The following CSMD1 variants were observed in gnomAD, a reference collection of about 807,000 sequenced individuals.
CSMD1 encodes the protein CUB and Sushi multiple domains 1.
Under a neutral mutation model 417.5 loss-of-function variants are expected in CSMD1, and 213 were observed. That is an observed-to-expected ratio of 0.51 (90% CI 0.46 to 0.57). The LOEUF (loss-of-function observed/expected upper bound fraction) is 0.57. Among genes scored for constraint, CSMD1 ranks in the 20% least tolerant of loss-of-function variants. The pLI is 0.00. For synonymous variants in CSMD1, 2,862 were observed against 1,736.8 expected, an observed-to-expected ratio of 1.65 and a Z score of -16.11; for missense variants, 6,923 against 4,529.7, an observed-to-expected ratio of 1.53 and a Z score of -15.17.
At chr8:4,269,343 G>A (rs745439252) in intron 3 of CSMD1, among the ~76,000 whole-genome samples, 4 of 152,168 alleles carry the variant, frequency 2.6e-5, no homozygotes, top group Non-Finnish European at 4.4e-5. Flanking sequence ...TGGGATTACA[G>A]GTGTGAGCCA....
chr8:4,529,616 A>G (rs184997081), intron 2 of CSMD1, among the ~76,000 whole-genome samples: 40 of 152,196 alleles, frequency 2.6e-4, no homozygotes, highest in Admixed American at 6.5e-4. Flanking sequence ...TTTAACAAAG[A>G]CAAAAGACAA....
intron 8 of CSMD1, among the ~76,000 whole-genome samples, chr8:3,591,762 TAGACAA>T (rs928198584): frequency 1.2e-4 from 18 of 149,428 alleles, no homozygotes; most frequent in African/African-American, 4.4e-4. Context: ...AGACAGATGA[TAGACAA>T]AGAGATGGAT....
chr8:3,875,048 G>T (rs761641690), intron 5 of CSMD1, among the ~76,000 whole-genome samples: 1 of 152,102 alleles, frequency 6.6e-6, no homozygotes, highest in African/African-American at 2.4e-5. Flanking sequence ...GAGCTGGGGC[G>T]GCTGAAAGAG....
chr8:3,752,048 C>G (rs1193844010), intron 6 of CSMD1, among the ~76,000 whole-genome samples: 2 of 152,168 alleles, frequency 1.3e-5, no homozygotes, highest in East Asian at 1.9e-4. Context: ...TACCAGACCA[C>G]ATGGAGTCTT....
chr8:4,216,485 C>T (rs1192992546), intron 3 of CSMD1, among the ~76,000 whole-genome samples: 3 of 152,148 alleles, frequency 2.0e-5, no homozygotes, highest in Non-Finnish European at 4.4e-5. Context: ...AAATTTTACT[C>T]ATTAATAGAA....
At chr8:3,461,871 G>A (rs901148865) in intron 12 of CSMD1, among the ~76,000 whole-genome samples, 7 of 152,230 alleles carry the variant, frequency 4.6e-5, no homozygotes, top group African/African-American at 1.7e-4. Context: ...GCCCTGTGAG[G>A]ACTTGGGTCA....
At chr8:3,684,142 C>T (rs1223942304) in intron 7 of CSMD1, among the ~76,000 whole-genome samples, 3 of 118,284 alleles carry the variant, frequency 2.5e-5, no homozygotes, top group East Asian at 4.5e-4. Context: ...ATATATAATG[C>T]CTATATGTTA....
intron 2 of CSMD1, among the ~76,000 whole-genome samples, chr8:4,482,439 G>A (rs187863814): frequency 4.8e-4 from 73 of 152,242 alleles, no homozygotes; most frequent in Middle Eastern, 3.4e-3. Flanking sequence ...TTGTTCTTAT[G>A]GCTGCATAGT....
intron 5 of CSMD1, among the ~76,000 whole-genome samples, chr8:3,936,063 A>G (rs974138811): frequency 4.6e-5 from 7 of 152,150 alleles, no homozygotes; most frequent in African/African-American, 1.7e-4. Context: ...GTCCTGGGTA[A>G]AAGACCAAAG....
chr8:4,047,544 C>G (rs1337843807), intron 3 of CSMD1, among the ~76,000 whole-genome samples: 1 of 148,986 alleles, frequency 6.7e-6, no homozygotes, highest in South Asian at 2.1e-4. Flanking sequence ...TTCATTCATT[C>G]CACAAATATT....
chr8:4,649,263 G>C (rs1358322141), intron 1 of CSMD1, among the ~76,000 whole-genome samples: 1 of 152,328 alleles, frequency 6.6e-6, no homozygotes, highest in South Asian at 2.1e-4. Context: ...ATGGAAGCAA[G>C]GGAGCTGGAG....
intron 3 of CSMD1, among the ~76,000 whole-genome samples, chr8:4,122,484 A>T (rs965120118): frequency 1.3e-5 from 2 of 152,222 alleles, no homozygotes; most frequent in Admixed American, 6.5e-5. Flanking sequence ...AGACACGTAG[A>T]TTAAGTAAAC....
chr8:4,573,960 G>A (rs542164545), intron 2 of CSMD1, among the ~76,000 whole-genome samples: 1 of 152,276 alleles, frequency 6.6e-6, no homozygotes, highest in South Asian at 2.1e-4. Context: ...AGTAATGGCA[G>A]ACATCCCTCT....
chr8:3,542,982 T>C (rs1798504070), intron 10 of CSMD1, among the ~76,000 whole-genome samples: 2 of 152,272 alleles, frequency 1.3e-5, no homozygotes, highest in South Asian at 4.1e-4. Flanking sequence ...TCTTCCTCCC[T>C]GCTGCCCATC....
Position 3,461,800 on chromosome 8 carries a change from G to A in CSMD1, c.1561+6912C>T, listed in dbSNP as rs555815774. ...TATCCATGGGGACTCTCTTACGTGT[G>A]ATAGAACACGGACAAGTCTAGCAGC... On this transcript the variant is annotated intron_variant, in intron 12 of 69. Transcript: ENST00000635120. 3.3e-5 allele frequency among the ~76,000 whole-genome samples: 5 copies of A among 152,332 alleles called. No homozygotes were observed. The East Asian group carries it at 9.7e-4, about 29-fold the overall frequency.
intron 6 of CSMD1, among the ~76,000 whole-genome samples, chr8:3,729,560 G>T (rs183013469): frequency 2.6e-5 from 4 of 152,120 alleles, no homozygotes; most frequent in Admixed American, 6.6e-5. Context: ...ATGTCCAGAA[G>T]GTATCGGGTC....
chr8:4,573,603 G>C lies in CSMD1; in HGVS notation c.302+63739C>G, dbSNP rs180834655. 3.6e-4 allele frequency among the ~76,000 whole-genome samples: 55 copies of C among 152,166 alleles called. No individual in the cohort carries two copies. The East Asian group carries it at 9.6e-3, about 26-fold the overall frequency. On this transcript the variant is annotated intron_variant, in intron 2 of 69. Coordinates refer to ENST00000635120, the MANE Select transcript of CSMD1 (RefSeq NM_033225.6). ...CCCAGTCAGGAGGTATGGGGGTCAG[G>C]GTCCCACTTGAGGGGGCGGTCTTTC... is the stretch of plus-strand genomic sequence containing the variant.
At chr8:4,693,001 T>C (rs1806873543) in intron 1 of CSMD1, among the ~76,000 whole-genome samples, 2 of 152,150 alleles carry the variant, frequency 1.3e-5, no homozygotes, top group African/African-American at 4.8e-5. Flanking sequence ...ACAAAGCTCA[T>C]CATGGGAAAA....
intron 1 of CSMD1, among the ~76,000 whole-genome samples, chr8:4,822,207 G>C (rs1403125399): frequency 6.6e-6 from 1 of 152,084 alleles, no homozygotes. Flanking sequence ...AATTGTGTGT[G>C]ATTCGTGGGG....
Sources: gnomAD v4.1 joint callset for allele counts (sites outside exome capture counted in the v4.1 genomes callset) on GRCh38, gnomAD v4.1.1 for gene constraint, MANE v1.5 for transcripts, NCBI Gene and HGNC (gene_info 2026-07-23, HGNC 2026-07-21) for gene names.